The following ZNF383 variants were observed in gnomAD, a reference collection of about 807,000 sequenced individuals.
ZNF383 encodes zinc finger protein 383.
A neutral mutation model predicts 44.2 loss-of-function variants in ZNF383; 32 were observed. The observed-to-expected ratio is 0.72, with a 90% confidence interval of 0.55 to 0.97. ZNF383 has a LOEUF of 0.97. Among genes scored for constraint, ZNF383 ranks in the 50% least tolerant of loss-of-function variants. The pLI, the probability that ZNF383 is intolerant of heterozygous loss-of-function variation, is 0.00. For synonymous variants in ZNF383, 155 were observed against 186.2 expected (o/e 0.83, Z 1.36); for missense variants, 487 against 562.5 (o/e 0.87, Z 1.36).
chr19:37,236,287 C>T (rs1437519241), intron 5 of ZNF383, among the ~76,000 whole-genome samples: 1 of 151,964 alleles, frequency 6.6e-6, no homozygotes, highest in Non-Finnish European at 1.5e-5. Context: ...CTCCAATCCT[C>T]CTCTTAATTT....
rs1326140788 is a variant in ZNF383 at position 37,246,935 on chromosome 19, T to G, written c.*3271T>G. ...AAATGCAGAAAACATACTGGCAACATTATTTGACCAGAAGAAGCAGTACAA... is the reference window on the plus strand; with the variant it reads ...AAATGCAGAAAACATACTGGCAACAGTATTTGACCAGAAGAAGCAGTACAA... On this transcript the variant is annotated 3_prime_UTR_variant, in exon 6 of 6. Coordinates refer to ENST00000684119, the MANE Select transcript of ZNF383 (RefSeq NM_001387601.1). 2 of 152,174 alleles carry G rather than the reference T, an allele frequency of 1.3e-5. No individual in the cohort carries two copies. Among genetic ancestry groups the G allele is most frequent in the South Asian group, 2.1e-4 (1 of 4,834 alleles). The allele number at this position is 152,174 out of a possible 1,614,324, so 9.4% of individuals were successfully genotyped here.
intron 1 of ZNF383, among the ~76,000 whole-genome samples, chr19:37,223,582 A>G (rs754280129): frequency 3.9e-5 from 6 of 152,198 alleles, no homozygotes; most frequent in African/African-American, 7.2e-5. Flanking sequence ...TTGGGATTTA[A>G]GCAATGTATT....
intron 5 of ZNF383, among the ~76,000 whole-genome samples, chr19:37,241,407 G>A (rs1568531595): frequency 6.6e-6 from 1 of 152,118 alleles, no homozygotes; most frequent in African/African-American, 2.4e-5. Context: ...GTTTTATTAG[G>A]ATACATATTT....
In ZNF383 at chr19:37,248,634, A is replaced by G. The variant is rs1242288423; in HGVS notation, c.*4970A>G. The stretch of plus-strand genomic sequence containing the variant: ...AGTTCAAATAACTAAAGTTCTGTCA[A>G]TGAAAATATATGCTCTAACCTCAAC... On this transcript the variant is annotated 3_prime_UTR_variant, in exon 6 of 6. Transcript: ENST00000684119. 1.3e-5 allele frequency: 2 copies of G among 152,236 alleles called. No homozygotes were observed. The highest frequency in any genetic ancestry group is 4.8e-5 in the African/African-American group (2 of 41,472). The allele number at this position is 152,236 out of a possible 1,614,324, so 9.4% of individuals were successfully genotyped here.
intron 3 of ZNF383, 149 bp from the exon 4 acceptor site, chr19:37,235,400 A>G: frequency 4.0e-6 from 3 of 749,264 alleles, no homozygotes; most frequent in Non-Finnish European, 6.4e-6. Context: ...TAAACTTCCT[A>G]CTCTTGCATC....
intron 2 of ZNF383, among the ~76,000 whole-genome samples, chr19:37,229,800 A>T (rs1340297245): frequency 1.7e-4 from 19 of 114,424 alleles, no homozygotes; most frequent in South Asian, 1.3e-3. Context: ...ATATATATAT[A>T]TATTTTTTTT....
chr19:37,236,161 TC>T, intron 5 of ZNF383, 87 bp downstream of exon 5: 1 of 906,144 alleles, frequency 1.1e-6, no homozygotes, highest in Non-Finnish European at 1.7e-6. Flanking sequence ...TGAGATGTTA[TC>T]CCTGAAGCTC....
At position 37,235,614 on chromosome 19, in the gene ZNF383, T is replaced by C. The variant is rs1973751169; in HGVS notation, c.75T>C (p.Pro25=). ...FSQEEWDCLD[P]VQRDLYRDVM... is the part of the protein sequence containing the mutation. Reference sequence around the variant, plus strand: ...AGGAGGAGTGGGACTGCCTGGACCCTGTTCAGAGGGACTTATACAGAGATG... The same window carrying C: ...AGGAGGAGTGGGACTGCCTGGACCCCGTTCAGAGGGACTTATACAGAGATG... The change falls in exon 4 of 6, where the codon CCT becomes CCC. Residue 25 remains proline, a synonymous_variant. Transcript: ENST00000684119. 1 of 1,613,980 alleles carries C rather than the reference T, an allele frequency of 6.2e-7. No homozygotes were observed. Among genetic ancestry groups the C allele is most frequent in the African/African-American group, 1.3e-5 (1 of 75,044 alleles).
chr19:37,239,883 G>C (rs932743560), intron 5 of ZNF383, among the ~76,000 whole-genome samples: 1 of 152,168 alleles, frequency 6.6e-6, no homozygotes, highest in African/African-American at 2.4e-5. Flanking sequence ...AGATCTGCCG[G>C]GCGCAGTGGC....
chr19:37,231,578 A>T (rs1476685924), intron 3 of ZNF383, among the ~76,000 whole-genome samples: 1 of 152,210 alleles, frequency 6.6e-6, no homozygotes, highest in Admixed American at 6.5e-5. Flanking sequence ...GCTTTGATTG[A>T]TGCTCTAAGA....
At chr19:37,235,433 A>G (rs1973737633) in intron 3 of ZNF383, 116 bp from the exon 4 acceptor site, 5 of 989,690 alleles carry the variant, frequency 5.1e-6, no homozygotes, top group Non-Finnish European at 7.6e-6. Flanking sequence ...CTAAAGATAC[A>G]GGTTCTCAGT....
chr19:37,235,252 G>A (rs535318540), intron 3 of ZNF383, among the ~76,000 whole-genome samples: 8 of 148,222 alleles, frequency 5.4e-5, no homozygotes, highest in Non-Finnish European at 1.0e-4. Flanking sequence ...TAGTCTGGGT[G>A]ACAAAAGCGA....
intron 5 of ZNF383, among the ~76,000 whole-genome samples, chr19:37,237,993 G>T (rs1236032960): frequency 6.6e-6 from 1 of 151,700 alleles, no homozygotes; most frequent in African/African-American, 2.4e-5. Context: ...CTCCCGAGTA[G>T]CTCGGCCCAC....
At position 37,229,817 on chromosome 19, in the gene ZNF383, T is replaced by C. The variant is rs1003220679; in HGVS notation, c.-45-592T>C. ...ATATATATATATTTTTTTTTTTTTT[T>C]CAATAAAACAGAGCTAGAAGAATTA... On this transcript the variant is annotated intron_variant, in intron 2 of 5. Coordinates refer to ENST00000684119, the MANE Select transcript of ZNF383 (RefSeq NM_001387601.1). Among the ~76,000 whole-genome samples, 29 of 131,802 alleles carry C rather than the reference T, an allele frequency of 2.2e-4. No homozygotes were observed. The East Asian group carries it at 3.3e-3, about 15-fold the overall frequency. The allele number at this position is 131,802 out of a possible 152,430, so 86.5% of individuals were successfully genotyped here. A position where few individuals can be genotyped will look rare whatever the true frequency, so the allele number is the denominator to read the frequency against.
intron 2 of ZNF383, among the ~76,000 whole-genome samples, chr19:37,227,329 G>C (rs1012970649): frequency 5.4e-5 from 8 of 147,054 alleles, no homozygotes; most frequent in Non-Finnish European, 1.2e-4. Context: ...GGTCGGGCTG[G>C]TCTTGAACTC....
At chr19:37,232,505 C>G (rs1432490713) in intron 3 of ZNF383, among the ~76,000 whole-genome samples, 1 of 152,062 alleles carries the variant, frequency 6.6e-6, no homozygotes, top group African/African-American at 2.4e-5. Context: ...AAAATAAGGT[C>G]ATGATGCATA....
intron 2 of ZNF383, among the ~76,000 whole-genome samples, chr19:37,225,745 T>C (rs1973128984): frequency 6.6e-6 from 1 of 151,930 alleles, no homozygotes. Flanking sequence ...TTGAATGCTT[T>C]GATAAATTAG....
chr19:37,221,781 TAA>T (rs71177434), intron 1 of ZNF383, among the ~76,000 whole-genome samples: 9 of 137,150 alleles, frequency 6.6e-5, no homozygotes, highest in Non-Finnish European at 4.7e-5. Flanking sequence ...CGTCTCTACT[TAA>T]AAAAAAAAAA....
intron 1 of ZNF383, among the ~76,000 whole-genome samples, chr19:37,220,958 C>T (rs1412732523): frequency 1.3e-5 from 2 of 152,118 alleles, no homozygotes; most frequent in African/African-American, 2.4e-5. Context: ...GCCTCACTCT[C>T]GCTGCTATAC....
Sources: gnomAD v4.1 joint callset for allele counts (sites outside exome capture counted in the v4.1 genomes callset) on GRCh38, gnomAD v4.1.1 for gene constraint, MANE v1.5 for transcripts, NCBI Gene and HGNC (gene_info 2026-07-23, HGNC 2026-07-21) for gene names.